The following GFRA2 variants were observed in gnomAD, a reference collection of about 807,000 sequenced individuals.
GFRA2 encodes GDNF family receptor alpha 2.
Under a neutral mutation model 48.3 loss-of-function variants are expected in GFRA2, and 17 were observed. The observed-to-expected ratio is 0.35, with a 90% confidence interval of 0.24 to 0.53. The LOEUF (loss-of-function observed/expected upper bound fraction) is 0.53. GFRA2 is among the 20% of genes least tolerant of loss of function. The pLI, the probability that GFRA2 is intolerant of heterozygous loss-of-function variation, is 0.93. For missense variants in GFRA2, 660 were observed against 637.3 expected, an observed-to-expected ratio of 1.04 and a Z score of -0.38; for synonymous variants, 305 against 257.2, an observed-to-expected ratio of 1.19 and a Z score of -1.78.
In GFRA2 at chr8:21,758,075, C is replaced by T. The variant is rs181317304; in HGVS notation, c.440-7133G>A. ...GTGCATTTGTGACTCACAGGCCCCA[C>T]CGAGTCAGGAGCTCTGCGGCTGGCA... is the stretch of plus-strand genomic sequence containing the variant. On this transcript the variant is annotated intron_variant, in intron 3 of 8. Coordinates refer to ENST00000524240, the MANE Select transcript of GFRA2 (RefSeq NM_001495.5). 2.7e-3 allele frequency among the ~76,000 whole-genome samples: 405 copies of T among 152,244 alleles called. 1 individual carries two copies. Among genetic ancestry groups the T allele is most frequent in the African/African-American group, 8.1e-3 (338 of 41,530 alleles).
chr8:21,782,906 G>C lies in GFRA2; in HGVS notation c.41-7C>G. ...AAAGAGCGGAGGGTCTCGTCTGGGT[G>C]GTGGGGAGGGAAGACAAGCATGAAT... is the stretch of plus-strand genomic sequence containing the variant. On this transcript the variant is annotated splice_polypyrimidine_tract_variant and splice_region_variant and intron_variant, in intron 1 of 8. Coordinates refer to ENST00000524240, the MANE Select transcript of GFRA2 (RefSeq NM_001495.5). 4.5e-6 allele frequency: 7 copies of C among 1,546,300 alleles called. No individual in the cohort carries two copies. The highest frequency in any genetic ancestry group is 6.1e-6 in the Non-Finnish European group (7 of 1,152,530).
At chr8:21,698,797 C>G (rs796176771) in intron 7 of GFRA2, among the ~76,000 whole-genome samples, 2 of 152,116 alleles carry the variant, frequency 1.3e-5, no homozygotes, top group South Asian at 2.1e-4. Flanking sequence ...AGTAGACCCC[C>G]ACTCAGCACA....
intron 4 of GFRA2, among the ~76,000 whole-genome samples, chr8:21,728,633 A>G (rs936529449): frequency 6.6e-6 from 1 of 152,170 alleles, no homozygotes; most frequent in Non-Finnish European, 1.5e-5. Flanking sequence ...CATGGACCAC[A>G]TCTGGAGAGA....
At chr8:21,793,252 G>A (rs1807608656), upstream of GFRA2, among the ~76,000 whole-genome samples, 1 of 152,178 alleles carries the variant, frequency 6.6e-6, no homozygotes, top group Non-Finnish European at 1.5e-5. Context: ...CTGACATGAT[G>A]AGAATAATGT....
chr8:21,779,285 G>C (rs1316211498), intron 2 of GFRA2, among the ~76,000 whole-genome samples: 1 of 152,248 alleles, frequency 6.6e-6, no homozygotes, highest in African/African-American at 2.4e-5. Context: ...GCAGCATGCA[G>C]CTAAACGCAC....
intron 3 of GFRA2, among the ~76,000 whole-genome samples, chr8:21,762,810 G>A (rs1021061416): frequency 2.6e-5 from 4 of 152,112 alleles, no homozygotes; most frequent in Admixed American, 1.3e-4. Context: ...TATAGTTTTG[G>A]TATTTGGGGG....
At chr8:21,783,138 T>C (rs1807096796) in intron 1 of GFRA2, 3 of 674,234 alleles carry the variant, frequency 4.4e-6, no homozygotes, top group South Asian at 3.0e-5. Context: ...GCAGCGGCCC[T>C]GGGCCTAGGA....
chr8:21,715,312 G>C (rs547149796), intron 4 of GFRA2, among the ~76,000 whole-genome samples: 39 of 152,228 alleles, frequency 2.6e-4, no homozygotes, highest in Non-Finnish European at 4.3e-4. Context: ...GTTTTTTTGT[G>C]TGTTTTTTGT....
intron 4 of GFRA2, among the ~76,000 whole-genome samples, chr8:21,712,522 A>C (rs1261714254): frequency 6.9e-6 from 1 of 145,272 alleles, no homozygotes; most frequent in Non-Finnish European, 1.5e-5. Context: ...CACTTTCCAG[A>C]CTGGGCAGCC....
intron 2 of GFRA2, among the ~76,000 whole-genome samples, chr8:21,802,427 T>C (rs1807788200): frequency 6.6e-6 from 1 of 152,144 alleles, no homozygotes; most frequent in African/African-American, 2.4e-5. Flanking sequence ...AAATCATGGG[T>C]CACTATAGCC....
At chr8:21,695,539 A>G (rs1356273732) in intron 7 of GFRA2, among the ~76,000 whole-genome samples, 2 of 152,152 alleles carry the variant, frequency 1.3e-5, no homozygotes, top group Non-Finnish European at 2.9e-5. Flanking sequence ...GTCACTGCCA[A>G]TGGTGGAGAT....
intron 4 of GFRA2, among the ~76,000 whole-genome samples, chr8:21,731,450 T>C (rs75897982): frequency 0.17 from 25,485 of 152,074 alleles, 2,161 homozygotes; most frequent in East Asian, 0.24. Context: ...CATATGCCCC[T>C]TCTCTCTTTT....
At chr8:21,773,892 A>T (rs1286945336) in intron 3 of GFRA2, among the ~76,000 whole-genome samples, 1 of 152,282 alleles carries the variant, frequency 6.6e-6, no homozygotes, top group South Asian at 2.1e-4. Flanking sequence ...GCTGGCATCC[A>T]GTGGGGCCGG....
At chr8:21,731,022 C>A (rs758381618) in intron 4 of GFRA2, among the ~76,000 whole-genome samples, 1 of 152,052 alleles carries the variant, frequency 6.6e-6, no homozygotes, top group African/African-American at 2.4e-5. Flanking sequence ...CCTCGTGTTG[C>A]GGACACTAAC....
chr8:21,784,766 G>A (rs1379365867), intron 1 of GFRA2, among the ~76,000 whole-genome samples: 1 of 152,116 alleles, frequency 6.6e-6, no homozygotes, highest in Non-Finnish European at 1.5e-5. Context: ...TGGCCAGGCT[G>A]AGACAAGACC....
Position 21,782,893 on chromosome 8 carries a change from G to A in GFRA2, c.47C>T (p.Thr16Ile). The A allele has an allele frequency of 1.3e-6, 2 of 1,554,366 alleles. No individual in the cohort carries two copies. Among genetic ancestry groups the A allele is most frequent in the Non-Finnish European group, 1.7e-6 (2 of 1,157,250 alleles). ...GGAAGGGCTGGCCAAAGAGCGGAGG[G>A]TCTCGTCTGGGTGGTGGGGAGGGAA... is the stretch of plus-strand genomic sequence containing the variant. ...VFCLFFFLDE[T>I]LRSLASPSSL... Residue 16 changes from threonine to isoleucine, a missense_variant, in exon 2 of 9, where the codon ACC (threonine) becomes ATC (isoleucine). Thr to Ile is a moderately conservative substitution (Grantham distance 89). Transcript: ENST00000524240.
At chr8:21,760,268 C>T (rs1805836326) in intron 3 of GFRA2, among the ~76,000 whole-genome samples, 1 of 152,176 alleles carries the variant, frequency 6.6e-6, no homozygotes, top group Non-Finnish European at 1.5e-5. Flanking sequence ...CATTCACTGA[C>T]ACATGGAACT....
chr8:21,701,393 CAAAAAAT>C (rs946551934), intron 7 of GFRA2, among the ~76,000 whole-genome samples: 3 of 152,144 alleles, frequency 2.0e-5, no homozygotes, highest in East Asian at 3.9e-4. Context: ...GACTCCGTCT[CAAAAAAT>C]AAAAAATAAA....
chr8:21,698,267 T>G (rs1485919488), intron 7 of GFRA2, among the ~76,000 whole-genome samples: 2 of 152,172 alleles, frequency 1.3e-5, no homozygotes, highest in Non-Finnish European at 2.9e-5. Flanking sequence ...GGCTGTGCTG[T>G]GGGTGCCCCA....
Sources: allele counts gnomAD v4.1 joint callset (sites outside exome capture counted in the v4.1 genomes callset), GRCh38; gene constraint gnomAD v4.1.1; transcripts MANE v1.5; gene names NCBI Gene and HGNC (gene_info 2026-07-23, HGNC 2026-07-21).